Variants in MEP1A observed in about 807,000 individuals in gnomAD.
The protein encoded by MEP1A is N-benzoyl-L-tyrosyl-P-amino-benzoic acid hydrolase subunit alpha.
In MEP1A, 68 loss-of-function variants were observed where a neutral mutation model predicts 84.5. The observed-to-expected ratio is 0.80, with a 90% CI of 0.66 to 0.98. The LOEUF is 0.98. MEP1A is among the 50% of genes least tolerant of loss of function. The pLI, the probability that MEP1A is intolerant of heterozygous loss-of-function variation, is 0.00. For missense variants in MEP1A, 887 were observed against 919.9 expected, an observed-to-expected ratio of 0.96 and a Z score of 0.46; for synonymous variants, 337 against 336.8, an observed-to-expected ratio of 1.00 and a Z score of -0.01.
chr6:46,822,637 G>A (rs1410211130), intron 7 of MEP1A, among the ~76,000 whole-genome samples: 1 of 152,008 alleles, frequency 6.6e-6, no homozygotes, highest in Non-Finnish European at 1.5e-5. Flanking sequence ...TCCACCTCCT[G>A]GGTTCAAGCG....
intron 7 of MEP1A, among the ~76,000 whole-genome samples, chr6:46,824,907 T>G (rs577364649): frequency 1.1e-5 from 1 of 89,862 alleles, no homozygotes; most frequent in African/African-American, 5.3e-5. Context: ...ATATATAAAT[T>G]ATATATTTAA....
At chr6:46,827,084 T>C (rs1767964860) in intron 9 of MEP1A, among the ~76,000 whole-genome samples, 1 of 152,216 alleles carries the variant, frequency 6.6e-6, no homozygotes, top group African/African-American at 2.4e-5. Flanking sequence ...CTGGCCACAA[T>C]TCAAGCACTC....
chr6:46,798,608 G>T lies in MEP1A; in HGVS notation c.148G>T (p.Ala50Ser). The change falls in exon 4 of 14, where the codon GCA becomes TCA. Residue 50 changes from alanine (A) to serine (S), a missense_variant and splice_region_variant. By Grantham distance (99) the Ala-to-Ser change is moderately conservative. Coordinates refer to ENST00000230588, the MANE Select transcript of MEP1A (RefSeq NM_005588.3). ...QKDISEINLA[A>S]GLDLFQGDIL... ...TTTAAAAAAAATTCCACTTCCAGCT[G>T]CAGGCTTGGACCTCTTTCAAGGGGA... 6.2e-7 allele frequency: 1 copy of T among 1,613,262 alleles called. No homozygotes were observed. Among genetic ancestry groups the T allele is most frequent in the Non-Finnish European group, 8.5e-7 (1 of 1,179,466 alleles).
chr6:46,826,167 G>A (rs1767940256), intron 8 of MEP1A, among the ~76,000 whole-genome samples, 187 bp from the exon 9 acceptor site: 1 of 152,056 alleles, frequency 6.6e-6, no homozygotes, highest in Admixed American at 6.6e-5. Flanking sequence ...AGGTAGGTAG[G>A]GCTGTGTCTA....
At chr6:46,804,505 C>CT (rs35404027) in intron 5 of MEP1A, among the ~76,000 whole-genome samples, 42,738 of 151,548 alleles carry the variant, frequency 0.28, 6,801 homozygotes, top group Middle Eastern at 0.35. Context: ...CTCTATGAAT[C>CT]TATCAATCCA....
chr6:46,832,535 A>C (rs1487638510), intron 10 of MEP1A, among the ~76,000 whole-genome samples: 3 of 152,202 alleles, frequency 2.0e-5, no homozygotes, highest in African/African-American at 7.2e-5. Flanking sequence ...CAGATAATAT[A>C]AGGAAGAGAA....
intron 7 of MEP1A, among the ~76,000 whole-genome samples, chr6:46,824,470 TA>T (rs1767853879): frequency 6.9e-6 from 1 of 145,394 alleles, no homozygotes; most frequent in African/African-American, 2.5e-5. Context: ...ATATTGCTTA[TA>T]AAATATAATT....
chr6:46,824,881 AATATATATAAATTAT>A lies in MEP1A; in HGVS notation c.557-383_557-369del, dbSNP rs1258431565. 4.9e-3 allele frequency among the ~76,000 whole-genome samples: 368 copies of A among 75,046 alleles called. 4 individuals are homozygous for A. The highest frequency in any genetic ancestry group is 0.032 in the African/African-American group (279 of 8,814). The allele number at this position is 75,046 out of a possible 152,430, so 49.2% of individuals were successfully genotyped here. A position where few individuals can be genotyped will look rare whatever the true frequency, so the allele number is the denominator to read the frequency against. ...TTATATATTTAAATAGATCTATTTA[AATATATATAAATTAT>A]ATATATAAATTATATATTTAAATAG... On this transcript the variant is annotated intron_variant, in intron 7 of 13. Transcript: ENST00000230588.
intron 7 of MEP1A, among the ~76,000 whole-genome samples, chr6:46,820,539 A>G (rs992532609): frequency 1.3e-5 from 2 of 152,118 alleles, no homozygotes; most frequent in African/African-American, 4.8e-5. Flanking sequence ...GGTGTGTGTC[A>G]CCATGCCTGG....
chr6:46,819,759 A>G, intron 7 of MEP1A, 55 bp downstream of exon 7: 1 of 1,563,126 alleles, frequency 6.4e-7, no homozygotes, highest in African/African-American at 1.3e-5. Flanking sequence ...ACCAATCCTG[A>G]GATGACCAAG....
chr6:46,825,006 G>GATCTATTAA lies in MEP1A; in HGVS notation c.557-266_557-265insATCTATTAA, dbSNP rs1562113931. Among the ~76,000 whole-genome samples, 234 of 40,826 alleles carry GATCTATTAA rather than the reference G, an allele frequency of 5.7e-3. 57 individuals carry two copies. The highest frequency in any genetic ancestry group is 0.021 in the African/African-American group (220 of 10,598). 26.8% of individuals were successfully genotyped at this position (40,826 alleles called of 152,430 possible). ...TATATATTTAAATAGATCTATTTAA[G>GATCTATTAA]TATATATAAATTATATATTTAAATA... On this transcript the variant is annotated intron_variant, in intron 7 of 13. Transcript: ENST00000230588.
At position 46,829,654 on chromosome 6, in the gene MEP1A, ACTC is replaced by A. The variant is rs537530605; in HGVS notation, c.1144+89_1144+91del. 1.4e-3 allele frequency: 1,339 copies of A among 968,024 alleles called. 2 individuals carry two copies. The highest frequency in any genetic ancestry group is 1.9e-3 in the Non-Finnish European group (1,134 of 604,208). 60.0% of individuals were successfully genotyped at this position (968,024 alleles called of 1,614,324 possible). A position where few individuals can be genotyped will look rare whatever the true frequency, so the allele number is the denominator to read the frequency against. On this transcript the variant is annotated intron_variant, in intron 10 of 13. Transcript: ENST00000230588. ...TTCTCCTCCTTCCCTCTTTCCTCCT[ACTC>A]CTCCTTCTTCTCTCTCCTCCTCCTT...
rs1182217072 is a variant in MEP1A, at chr6:46,807,779, GA to G, written c.263-1638del. Among the ~76,000 whole-genome samples the G allele has an allele frequency of 6.8e-5, 4 of 59,152 alleles. 1 individual carries two copies. The highest frequency in any genetic ancestry group is 2.1e-4 in the African/African-American group (4 of 19,492). 38.8% of individuals were successfully genotyped at this position (59,152 alleles called of 152,430 possible). Reference sequence around the variant, plus strand: ...GGAAGGAAGGGAGAAAGGAAAGAAAGAAAGAAAGAAAGAAAGAAAGAAAGAA... The same window carrying G: ...GGAAGGAAGGGAGAAAGGAAAGAAAGAAGAAAGAAAGAAAGAAAGAAAGAA... On this transcript the variant is annotated intron_variant, in intron 5 of 13. Transcript: ENST00000230588.
At chr6:46,827,794 T>C (rs1225209494) in intron 9 of MEP1A, among the ~76,000 whole-genome samples, 1 of 152,212 alleles carries the variant, frequency 6.6e-6, no homozygotes, top group Non-Finnish European at 1.5e-5. Flanking sequence ...ACCTAGTCTG[T>C]GGGCTTGCTG....
At position 46,825,325 on chromosome 6, in the gene MEP1A, A is replaced by G; in HGVS notation, c.610A>G (p.Thr204Ala). 1 of 1,613,714 alleles carries G rather than the reference A, an allele frequency of 6.2e-7. No homozygotes were observed. The highest frequency in any genetic ancestry group is 1.3e-5 in the African/African-American group (1 of 74,934). ...YDDSLITDLN[T>A]PYDYESLMHY... ...TGATAGCTTAATCACAGACCTCAAT[A>G]CACCCTATGATTATGAGTCTTTGAT... The change falls in exon 8 of 14, where the codon ACA becomes GCA. Residue 204 changes from threonine to alanine, a missense_variant. Thr to Ala is a moderately conservative substitution (Grantham distance 58). Transcript: ENST00000230588.
At chr6:46,818,817 C>G (rs1452322395) in intron 6 of MEP1A, among the ~76,000 whole-genome samples, 1 of 152,080 alleles carries the variant, frequency 6.6e-6, no homozygotes, top group Non-Finnish European at 1.5e-5. Flanking sequence ...ATTATAGGAA[C>G]TTTGAAAATT....
Position 46,829,425 on chromosome 6 carries a change from G to C in MEP1A, c.998G>C (p.Arg333Pro). The C allele has an allele frequency of 6.2e-7, 1 of 1,614,072 alleles. No individual in the cohort carries two copies. The highest frequency in any genetic ancestry group is 1.1e-5 in the South Asian group (1 of 91,064). The change falls in exon 10 of 14, where the codon CGG becomes CCG. Residue 333 changes from arginine (R) to proline (P), a missense_variant. Coordinates refer to ENST00000230588, the MANE Select transcript of MEP1A (RefSeq NM_005588.3). The part of the protein sequence containing the change: ...SAEEAALLES[R>P]ILYPKRKQQC... ...GAAGAGGCAGCCCTACTGGAGTCTC[G>C]GATTCTTTACCCAAAGAGGAAGCAG... is the stretch of plus-strand genomic sequence containing the variant.
At position 46,819,703 on chromosome 6, in the gene MEP1A, A is replaced by T. The variant is rs1020227608; in HGVS notation, c.555A>T (p.Ser185=). 2 of 1,613,220 alleles carry T rather than the reference A, an allele frequency of 1.2e-6. No individual in the cohort carries two copies. ...YVNIWWDQIL[S]GYQHNFDTYD... is the part of the protein sequence containing the mutation. ...ACATCTGGTGGGACCAAATTCTTTC[A>T]GGTGTGATTGGGCGGAGATTGCTAT... Residue 185 remains serine (S), a splice_region_variant and synonymous_variant, in exon 7 of 14, where the codon TCA becomes TCT. Transcript: ENST00000230588.
chr6:46,796,502 A>C (rs1431096048), intron 3 of MEP1A, among the ~76,000 whole-genome samples: 1 of 152,118 alleles, frequency 6.6e-6, no homozygotes, highest in Non-Finnish European at 1.5e-5. Flanking sequence ...ACCATTTGTC[A>C]CACTTTACAG....
Sources: allele counts gnomAD v4.1 joint callset (sites outside exome capture counted in the v4.1 genomes callset), GRCh38; gene constraint gnomAD v4.1.1; transcripts MANE v1.5; gene names NCBI Gene and HGNC (gene_info 2026-07-23, HGNC 2026-07-21).